ATP8B4: variants seen among roughly 807,000 people sequenced by gnomAD.
ATP8B4 encodes probable phospholipid-transporting ATPase IM.
A neutral mutation model predicts 145.6 loss-of-function variants in ATP8B4; 133 were observed. That is an observed-to-expected ratio of 0.91 (90% CI 0.79 to 1.05). The LOEUF is 1.05. Ranked by LOEUF, ATP8B4 falls within the 50% of genes least tolerant of loss-of-function variation. The probability of loss-of-function intolerance (pLI) is 0.00; values close to 1 mark genes in which losing one functional copy is unlikely to be tolerated. For missense variants in ATP8B4, 1,458 were observed against 1,425.2 expected (o/e 1.02, Z -0.37); for synonymous variants, 507 against 492.9 (o/e 1.03, Z -0.38).
In ATP8B4 at chr15:49,931,175, T is replaced by C; in HGVS notation, c.1586A>G (p.Tyr529Cys). ...GAAATCCAAAAAGGCAAGTAATTGA[T>C]AAGTAACTAGTGTTCCCAATTCTTC... ...TIEELGTLVT[Y>C]QLLAFLDFNN... The change falls in exon 16 of 28, where the codon TAT becomes TGT. Residue 529 changes from tyrosine to cysteine, a missense_variant. Physicochemically the swap from Tyr to Cys is radical, Grantham distance 194. Coordinates refer to ENST00000284509, the MANE Select transcript of ATP8B4 (RefSeq NM_024837.4). The C allele has an allele frequency of 6.2e-7, 1 of 1,612,526 alleles. No homozygotes were observed. Among genetic ancestry groups the C allele is most frequent in the Non-Finnish European group, 8.5e-7 (1 of 1,179,034 alleles).
At chr15:50,024,237 T>C (rs1216927534) in intron 6 of ATP8B4, among the ~76,000 whole-genome samples, 2 of 152,192 alleles carry the variant, frequency 1.3e-5, no homozygotes, top group Non-Finnish European at 2.9e-5. Flanking sequence ...AAACAGATTC[T>C]ATGATAGAGG....
intron 1 of ATP8B4, among the ~76,000 whole-genome samples, chr15:50,110,912 T>C (rs976689370): frequency 6.6e-6 from 1 of 152,136 alleles, no homozygotes; most frequent in African/African-American, 2.4e-5. Flanking sequence ...TAAATACTTT[T>C]TTTTTTTACA....
At chr15:49,934,321 C>T in intron 14 of ATP8B4, 139 bp from the exon 15 acceptor site, 1 of 923,594 alleles carries the variant, frequency 1.1e-6, no homozygotes, top group Non-Finnish European at 1.6e-6. Flanking sequence ...ATGGCTGTTT[C>T]ATCATTACTG....
chr15:49,861,420 G>GTC (rs2031720853), intron 27 of ATP8B4, among the ~76,000 whole-genome samples: 4 of 133,412 alleles, frequency 3.0e-5, no homozygotes, highest in African/African-American at 6.5e-5. Flanking sequence ...GTGTGTGTGT[G>GTC]TGTGTCTGTC....
At chr15:50,060,488 C>T (rs749979113) in intron 3 of ATP8B4, among the ~76,000 whole-genome samples, 2 of 152,160 alleles carry the variant, frequency 1.3e-5, no homozygotes, top group African/African-American at 2.4e-5. Flanking sequence ...AACTAAGTGA[C>T]CTTTCTCTTA....
At chr15:50,143,284 C>A (rs1036866542) in intron 1 of ATP8B4, among the ~76,000 whole-genome samples, 1 of 152,190 alleles carries the variant, frequency 6.6e-6, no homozygotes, top group Admixed American at 6.5e-5. Flanking sequence ...TGGCTTGCTG[C>A]CTTCAGTCAG....
Position 49,923,476 on chromosome 15 carries a change from T to C in ATP8B4, c.1661A>G (p.Gln554Arg), listed in dbSNP as rs1230359411. The change falls in exon 17 of 28, where the codon CAG becomes CGG. Residue 554 changes from glutamine to arginine, a missense_variant. Coordinates refer to ENST00000284509, the MANE Select transcript of ATP8B4 (RefSeq NM_024837.4). Reference sequence around the variant, plus strand: ...TGCTCCTTTGGAATAAAGCTTTATCTGTCCTTCTGGGTTTCGAACTGAAAA... The same window carrying C: ...TGCTCCTTTGGAATAAAGCTTTATCCGTCCTTCTGGGTTTCGAACTGAAAA... ...MSVIVRNPEG[Q>R]IKLYSKGADT... 1 of 1,606,712 alleles carries C rather than the reference T, an allele frequency of 6.2e-7. No individual in the cohort carries two copies. Among genetic ancestry groups the C allele is most frequent in the East Asian group, 2.2e-5 (1 of 44,828 alleles).
At chr15:49,934,450 A>G (rs2041561248) in intron 14 of ATP8B4, among the ~76,000 whole-genome samples, 10 of 151,900 alleles carry the variant, frequency 6.6e-5, no homozygotes, top group Admixed American at 6.6e-4. Flanking sequence ...CAAATGCTCA[A>G]TACAACTTCA....
At chr15:50,138,603 T>C (rs899281347) in intron 1 of ATP8B4, among the ~76,000 whole-genome samples, 2 of 152,200 alleles carry the variant, frequency 1.3e-5, no homozygotes, top group Non-Finnish European at 2.9e-5. Flanking sequence ...TGGTGGCAGA[T>C]ACTGGAATTA....
chr15:50,000,987 C>T (rs745598509), intron 8 of ATP8B4, among the ~76,000 whole-genome samples: 4 of 151,692 alleles, frequency 2.6e-5, no homozygotes, highest in Non-Finnish European at 5.9e-5. Context: ...TCTTTTTTAC[C>T]TTTATAATGT....
intron 3 of ATP8B4, among the ~76,000 whole-genome samples, chr15:50,073,319 A>T (rs982971966): frequency 6.6e-6 from 1 of 151,842 alleles, no homozygotes; most frequent in Admixed American, 6.6e-5. Context: ...CCCACTTAAG[A>T]GTGACAACAT....
chr15:49,991,639 T>G (rs1006614366), intron 9 of ATP8B4, among the ~76,000 whole-genome samples: 3 of 152,154 alleles, frequency 2.0e-5, no homozygotes, highest in Non-Finnish European at 4.4e-5. Flanking sequence ...CATAAATCAT[T>G]TTTTCTGATG....
At position 50,041,940 on chromosome 15, in the gene ATP8B4, A is replaced by AAAAC. The variant is rs553103728; in HGVS notation, c.300+2650_300+2653dup. 1.3e-3 allele frequency among the ~76,000 whole-genome samples: 193 copies of AAAAC among 152,034 alleles called. 1 individual carries two copies. The highest frequency in any genetic ancestry group is 8.3e-3 in the South Asian group (40 of 4,796). On this transcript the variant is annotated intron_variant, in intron 5 of 27. Transcript: ENST00000284509. ...GGGTGACAGAGCAAAACTCCGTCTC[A>AAAAC]AAACAAACAAACAAACAAAAAATTT...
At chr15:49,993,639 T>C (rs866397392) in intron 9 of ATP8B4, among the ~76,000 whole-genome samples, 12 of 152,172 alleles carry the variant, frequency 7.9e-5, no homozygotes, top group Non-Finnish European at 1.5e-5. Context: ...CGTCTATTCA[T>C]TCTTCTGATG....
chr15:50,153,939 C>G (rs2044381133), intron 1 of ATP8B4, among the ~76,000 whole-genome samples: 1 of 152,158 alleles, frequency 6.6e-6, no homozygotes, highest in African/African-American at 2.4e-5. Context: ...AAGATCGATA[C>G]TTTAAAAAAC....
chr15:50,169,244 A>C (rs2044636658), intron 1 of ATP8B4, among the ~76,000 whole-genome samples: 1 of 152,186 alleles, frequency 6.6e-6, no homozygotes, highest in Admixed American at 6.5e-5. Flanking sequence ...TAGAGTACTA[A>C]ACCACCAAAG....
intron 13 of ATP8B4, among the ~76,000 whole-genome samples, chr15:49,971,331 G>C (rs572278769): frequency 1.2e-4 from 19 of 152,262 alleles, no homozygotes; most frequent in South Asian, 2.1e-4. Flanking sequence ...GAGTGAACAG[G>C]CAACCTACAG....
chr15:50,026,407 C>T (rs988820163), intron 6 of ATP8B4, among the ~76,000 whole-genome samples: 10 of 152,188 alleles, frequency 6.6e-5, no homozygotes, highest in Middle Eastern at 3.4e-3. Flanking sequence ...TCAAGAGGTC[C>T]GGGAAAGAGC....
intron 3 of ATP8B4, 24 bp from the exon 4 acceptor site, chr15:50,047,488 T>C (rs1377976834): frequency 7.2e-7 from 1 of 1,387,416 alleles, no homozygotes; most frequent in Non-Finnish European, 1.0e-6. Context: ...AGCATCATGT[T>C]AGTTTGGGGC....
Sources: allele counts gnomAD v4.1 joint callset (sites outside exome capture counted in the v4.1 genomes callset), GRCh38; gene constraint gnomAD v4.1.1; transcripts MANE v1.5; gene names NCBI Gene and HGNC (gene_info 2026-07-23, HGNC 2026-07-21).